CIB3: variants seen among roughly 807,000 people sequenced by gnomAD.
The protein encoded by CIB3 is calcium and integrin binding family member 3, also known as calcium and integrin-binding family member 3.
CIB3 carries 22 observed loss-of-function variants against 23.4 expected under a neutral mutation model. That is an observed-to-expected ratio of 0.94 (90% CI 0.67 to 1.34). The LOEUF is 1.34. CIB3 is among the 40% of genes most tolerant of loss of function. The probability of loss-of-function intolerance (pLI) is 0.00; values close to 1 mark genes in which losing one functional copy is unlikely to be tolerated. For synonymous variants in CIB3, 93 were observed against 95.8 expected (o/e 0.97, Z 0.17); for missense variants, 258 against 247.3 (o/e 1.04, Z -0.29).
At chr19:16,170,861 G>A (rs950046185) in intron 2 of CIB3, among the ~76,000 whole-genome samples, 9 of 150,236 alleles carry the variant, frequency 6.0e-5, no homozygotes, top group South Asian at 2.1e-4. Flanking sequence ...GAAAGAGGCC[G>A]GGCGCGGTGG....
chr19:16,164,642 CAG>C lies in CIB3; in HGVS notation c.542+74_542+75del, dbSNP rs370053051. 626 of 1,337,906 alleles carry C rather than the reference CAG, an allele frequency of 4.7e-4. 6 individuals carry two copies. The Middle Eastern group carries it at 7.5e-3, about 16-fold the overall frequency. 82.9% of individuals were successfully genotyped at this position (1,337,906 alleles called of 1,614,324 possible). A position where few individuals can be genotyped will look rare whatever the true frequency, so the allele number is the denominator to read the frequency against. ...GAATGAATAGAGGAATTTTCAGAAA[CAG>C]AGTCTGTGAACTGTCTGCGTAAGAG... On this transcript the variant is annotated intron_variant, in intron 5 of 5. Coordinates refer to ENST00000269878, the MANE Select transcript of CIB3 (RefSeq NM_054113.4).
intron 5 of CIB3, 76 bp downstream of exon 5, chr19:16,164,642 C>G (rs2091297704): frequency 7.5e-7 from 1 of 1,337,786 alleles, no homozygotes. Flanking sequence ...TTTTCAGAAA[C>G]AGAGTCTGTG....
rs1164210757 is a variant in CIB3, at chr19:16,173,172, C to T, written c.76G>A (p.Glu26Lys). The change falls in exon 2 of 6, where the codon GAG becomes AAG. Residue 26 changes from glutamate to lysine, a missense_variant. Transcript: ENST00000269878. ...CCTCCCTGGACTGACCTCATGATCT[C>T]CTTCCTTGTGAAAAATGTGCAGTCC... ...YQDCTFFTRKEIMRLFYRYQD... is the reference protein window; with the variant it reads ...YQDCTFFTRKKIMRLFYRYQD... 2 of 1,613,892 alleles carry T rather than the reference C, an allele frequency of 1.2e-6. No individual in the cohort carries two copies. The highest frequency in any genetic ancestry group is 8.5e-7 in the Non-Finnish European group (1 of 1,180,010).
rs1443176270 is a variant in CIB3, at chr19:16,161,428, C to T, written c.*37G>A. The T allele has an allele frequency of 2.5e-6, 4 of 1,611,344 alleles. No homozygotes were observed. The highest frequency in any genetic ancestry group is 2.5e-6 in the Non-Finnish European group (3 of 1,177,518). On this transcript the variant is annotated 3_prime_UTR_variant, in exon 6 of 6. Transcript: ENST00000269878. ...AGAGTCCACAGCGGGTGAGGGGTCA[C>T]CCCGCCCTCCTATAGCTCGGCTCCT... is the stretch of plus-strand genomic sequence containing the variant.
At chr19:16,170,594 G>A (rs1199017130) in intron 2 of CIB3, among the ~76,000 whole-genome samples, 1 of 152,184 alleles carries the variant, frequency 6.6e-6, no homozygotes, top group Non-Finnish European at 1.5e-5. Context: ...GCCGAGGCGG[G>A]TGGATCACCA....
chr19:16,170,315 G>T (rs1568338471), intron 2 of CIB3, among the ~76,000 whole-genome samples: 1 of 152,170 alleles, frequency 6.6e-6, no homozygotes, highest in Non-Finnish European at 1.5e-5. Context: ...GGGGTTCCTG[G>T]AAGAGGGGAC....
rs2091319146 is a variant in CIB3 at position 16,169,545 on chromosome 19, A to G, written c.198+85T>C. On this transcript the variant is annotated intron_variant, in intron 3 of 5. Transcript: ENST00000269878. ...CAGTTTTCTTATCTTTAAAATGGGG[A>G]TAACTGCAGCACTGACCTCAGAGGA... The G allele has an allele frequency of 3.3e-6, 4 of 1,195,200 alleles. No individual in the cohort carries two copies. In the Admixed American group the frequency reaches 8.0e-5, roughly 24 times the overall value. The allele number at this position is 1,195,200 out of a possible 1,614,324, so 74.0% of individuals were successfully genotyped here.
intron 4 of CIB3, 136 bp downstream of exon 4, chr19:16,168,001 T>C (rs1599436033): frequency 4.5e-6 from 5 of 1,107,938 alleles, no homozygotes; most frequent in Non-Finnish European, 3.8e-6. Flanking sequence ...TGGGGAGGCA[T>C]TGGAGTGGGG....
At chr19:16,170,635 A>G (rs1354243513) in intron 2 of CIB3, among the ~76,000 whole-genome samples, 1 of 151,838 alleles carries the variant, frequency 6.6e-6, no homozygotes, top group Non-Finnish European at 1.5e-5. Context: ...AGCCTGGCCA[A>G]CATGGTGAAA....
intron 5 of CIB3, among the ~76,000 whole-genome samples, chr19:16,162,111 C>T (rs533100366): frequency 9.2e-5 from 14 of 151,890 alleles, no homozygotes; most frequent in Admixed American, 3.3e-4. Flanking sequence ...TTATATGTAT[C>T]GAAACCATTA....
chr19:16,169,407 G>A (rs1398156694), intron 3 of CIB3, among the ~76,000 whole-genome samples: 1 of 152,096 alleles, frequency 6.6e-6, no homozygotes, highest in Non-Finnish European at 1.5e-5. Context: ...GCCTCCCAAA[G>A]TGCTGGGATT....
intron 2 of CIB3, among the ~76,000 whole-genome samples, chr19:16,172,206 G>A (rs1321521591): frequency 6.6e-6 from 1 of 152,198 alleles, no homozygotes; most frequent in Non-Finnish European, 1.5e-5. Flanking sequence ...CCAGGCTGGA[G>A]CACAGTGGCG....
intron 4 of CIB3, among the ~76,000 whole-genome samples, chr19:16,166,269 C>T (rs1023957120): frequency 2.0e-5 from 3 of 152,018 alleles, no homozygotes; most frequent in Admixed American, 6.6e-5. Context: ...CCAGCCTGGG[C>T]GACAAGAGTG....
intron 5 of CIB3, among the ~76,000 whole-genome samples, 156 bp from the exon 6 acceptor site, chr19:16,161,642 G>C (rs1399328374): frequency 6.6e-6 from 1 of 151,430 alleles, no homozygotes; most frequent in Non-Finnish European, 1.5e-5. Flanking sequence ...CCCTACAGGG[G>C]CTGAGAGCAC....
At chr19:16,165,287 C>G (rs543631332) in intron 4 of CIB3, among the ~76,000 whole-genome samples, 1 of 109,392 alleles carries the variant, frequency 9.1e-6, no homozygotes, top group Non-Finnish European at 2.0e-5. Flanking sequence ...GACAGAAACT[C>G]CGTCCAAAAA....
chr19:16,167,061 CA>C (rs1483300766), intron 4 of CIB3, among the ~76,000 whole-genome samples: 1 of 152,024 alleles, frequency 6.6e-6, no homozygotes, highest in East Asian at 1.9e-4. Flanking sequence ...ACTAAAAATA[CA>C]AAAAATTAGT....
At chr19:16,171,731 C>T (rs548361482) in intron 2 of CIB3, among the ~76,000 whole-genome samples, 4 of 152,310 alleles carry the variant, frequency 2.6e-5, no homozygotes, top group South Asian at 2.1e-4. Flanking sequence ...GGATCAGCCC[C>T]GCCCTGTCTG....
intron 1 of CIB3, 27 bp from the exon 2 acceptor site, chr19:16,173,223 C>G (rs377280826): frequency 6.8e-6 from 11 of 1,613,864 alleles, no homozygotes; most frequent in African/African-American, 2.7e-5. Flanking sequence ...TGTCTTAACC[C>G]GAACCCTGCC....
At chr19:16,169,390 C>G (rs1049034639) in intron 3 of CIB3, among the ~76,000 whole-genome samples, 2 of 152,012 alleles carry the variant, frequency 1.3e-5, no homozygotes, top group Admixed American at 1.3e-4. Flanking sequence ...GTGATCCACC[C>G]GCCTCGGCCT....
Sources: allele counts gnomAD v4.1 joint callset (sites outside exome capture counted in the v4.1 genomes callset), GRCh38; gene constraint gnomAD v4.1.1; transcripts MANE v1.5; gene names NCBI Gene and HGNC (gene_info 2026-07-23, HGNC 2026-07-21).